The following PCDHGA3 variants were observed in gnomAD, a reference collection of about 807,000 sequenced individuals.
PCDHGA3 encodes protocadherin gamma subfamily A, 3.
A neutral mutation model predicts 58.5 loss-of-function variants in PCDHGA3; 40 were observed. That is an observed-to-expected ratio of 0.68 (90% CI 0.53 to 0.89). PCDHGA3 has a LOEUF of 0.89. PCDHGA3 is among the 40% of genes least tolerant of loss of function. The pLI is 0.00. For synonymous variants in PCDHGA3, 530 were observed against 525.7 expected (o/e 1.01, Z -0.11); for missense variants, 1,223 against 1,195.9 (o/e 1.02, Z -0.33).
chr5:141,429,377 GTT>G (rs566693637), intron 1 of PCDHGA3, among the ~76,000 whole-genome samples: 7 of 149,436 alleles, frequency 4.7e-5, no homozygotes, highest in African/African-American at 1.7e-4. Flanking sequence ...GAGAAAATGT[GTT>G]TTTTTTTTAA....
In PCDHGA3 at chr5:141,403,333, C is replaced by T. The variant is rs376895778; in HGVS notation, c.2424+56876C>T. On this transcript the variant is annotated intron_variant, in intron 1 of 3. Transcript: ENST00000253812. ...TAGAAATAGAAGTAACTGATATTAA[C>T]GACAGCGCCCCAAAGTTCCAGGCCG... is the stretch of plus-strand genomic sequence containing the variant. 5 of 1,613,866 alleles carry T rather than the reference C, an allele frequency of 3.1e-6. No homozygotes were observed. The African/African-American group carries it at 5.3e-5, about 17-fold the overall frequency.
In PCDHGA3 at chr5:141,344,550, A is replaced by G; in HGVS notation, c.517A>G (p.Ser173Gly). Residue 173 changes from serine (S) to glycine (G), a missense_variant, in exon 1 of 4, where the codon AGC becomes GGC. Physicochemically the swap from Ser to Gly is moderately conservative, Grantham distance 56. This residue lies in a region of PCDHGA3 where 791 missense variants were observed against 708.5 expected (regional missense o/e 1.12). Transcript: ENST00000253812. ...GINSLQNYKL[S>G]PNDYFSLAVN... Reference sequence around the variant, plus strand: ...TAACTCCCTGCAGAACTACAAGCTTAGCCCCAATGACTACTTCTCTCTGGC... The same window carrying G: ...TAACTCCCTGCAGAACTACAAGCTTGGCCCCAATGACTACTTCTCTCTGGC... The G allele has an allele frequency of 6.2e-7, 1 of 1,614,028 alleles. No individual in the cohort carries two copies. Among genetic ancestry groups the G allele is most frequent in the Non-Finnish European group, 8.5e-7 (1 of 1,179,902 alleles).
At chr5:141,383,476 G>T (rs983488072) in intron 1 of PCDHGA3, 1 of 1,613,748 alleles carries the variant, frequency 6.2e-7, no homozygotes, top group South Asian at 1.1e-5. Context: ...TAAGTACCCG[G>T]AACTGGTGCT....
intron 1 of PCDHGA3, chr5:141,404,308 C>T (rs1241004917): frequency 6.2e-7 from 1 of 1,613,918 alleles, no homozygotes; most frequent in Middle Eastern, 1.6e-4. Flanking sequence ...CACCTGCTTT[C>T]TCTCAAGCCT....
intron 1 of PCDHGA3, among the ~76,000 whole-genome samples, chr5:141,406,925 G>A (rs1003832711): frequency 2.0e-5 from 3 of 152,268 alleles, no homozygotes; most frequent in African/African-American, 7.2e-5. Flanking sequence ...AGAGAATAAT[G>A]TATTATTTAA....
At chr5:141,460,965 G>A (rs1398642676) in intron 1 of PCDHGA3, among the ~76,000 whole-genome samples, 21 of 114,476 alleles carry the variant, frequency 1.8e-4, no homozygotes, top group African/African-American at 8.5e-4. Flanking sequence ...ATATATATGT[G>A]TGTGTGTGTG....
chr5:141,415,744 T>TG (rs2095925177), intron 1 of PCDHGA3: 4 of 404,428 alleles, frequency 9.9e-6, no homozygotes, highest in Admixed American at 2.1e-4. Flanking sequence ...ATTAAGGTTT[T>TG]TTTTTTTTTT....
At chr5:141,469,362 G>GT (rs1212141268) in intron 1 of PCDHGA3, among the ~76,000 whole-genome samples, 4 of 152,084 alleles carry the variant, frequency 2.6e-5, no homozygotes, top group Non-Finnish European at 5.9e-5. Flanking sequence ...GGATCATGAG[G>GT]TAAAGAGATC....
chr5:141,400,621 A>G (rs1361532935), intron 1 of PCDHGA3: 1 of 1,521,426 alleles, frequency 6.6e-7, no homozygotes, highest in Non-Finnish European at 9.0e-7. Flanking sequence ...GAGTTGTCTT[A>G]GGGAAGTCAG....
chr5:141,372,294 G>A (rs536487253), intron 1 of PCDHGA3: 2 of 1,613,280 alleles, frequency 1.2e-6, no homozygotes, highest in Non-Finnish European at 1.7e-6. Flanking sequence ...TACCTTGGGC[G>A]ACAGGGAGGC....
chr5:141,500,645 A>C (rs2099801792), intron 2 of PCDHGA3, among the ~76,000 whole-genome samples: 1 of 152,228 alleles, frequency 6.6e-6, no homozygotes, highest in African/African-American at 2.4e-5. Flanking sequence ...GTTTTTTAAA[A>C]ATAGCAACTG....
intron 1 of PCDHGA3, chr5:141,355,366 C>T: frequency 1.2e-6 from 2 of 1,614,036 alleles, no homozygotes; most frequent in Non-Finnish European, 8.5e-7. Context: ...GGGGTTGGCG[C>T]CCCGGGAGCT....
chr5:141,401,272 G>A (rs998700154), intron 1 of PCDHGA3, among the ~76,000 whole-genome samples: 1 of 152,172 alleles, frequency 6.6e-6, no homozygotes. Flanking sequence ...AACCTGGCAG[G>A]TGGAGGTTGC....
chr5:141,383,075 TG>T, intron 1 of PCDHGA3: 2 of 1,613,878 alleles, frequency 1.2e-6, no homozygotes, highest in Non-Finnish European at 1.7e-6. Flanking sequence ...CCCCGGGAGC[TG>T]GCGGAGCGCG....
At chr5:141,389,320 T>TG (rs764190187) in intron 1 of PCDHGA3, 4 of 1,613,964 alleles carry the variant, frequency 2.5e-6, no homozygotes, top group Non-Finnish European at 3.4e-6. Context: ...GATCCGGACT[T>TG]GGGGCCCAAC....
chr5:141,421,365 G>A (rs1189449968), intron 1 of PCDHGA3: 2 of 1,614,026 alleles, frequency 1.2e-6, no homozygotes, highest in South Asian at 1.1e-5. Flanking sequence ...GCTCCTTCGT[G>A]GGCAATATCT....
In PCDHGA3 at chr5:141,487,694, AC is replaced by A. The variant is rs1296386169; in HGVS notation, c.2425-7112del. On this transcript the variant is annotated intron_variant, in intron 1 of 3. Coordinates refer to ENST00000253812, the MANE Select transcript of PCDHGA3 (RefSeq NM_018916.4). The surrounding 1 kb of genome is among the most constrained non-coding windows in gnomAD (Gnocchi z 5.0). ...ATGGCTAGGCCATGTCCTAGAGAGT[AC>A]TGGCCTCTCAGTAAGTGCCCATAGT... is the stretch of plus-strand genomic sequence containing the variant. The A allele has an allele frequency of 6.2e-7, 1 of 1,602,048 alleles. No individual in the cohort carries two copies. The highest frequency in any genetic ancestry group is 2.2e-5 in the East Asian group (1 of 44,642).
chr5:141,393,169 T>C lies in PCDHGA3; in HGVS notation c.2424+46712T>C, dbSNP rs113280752. 2,582 of 1,613,090 alleles carry C rather than the reference T, an allele frequency of 1.6e-3. 1 individual carries two copies. The highest frequency in any genetic ancestry group is 1.9e-3 in the Non-Finnish European group (2,191 of 1,179,870). On this transcript the variant is annotated intron_variant, in intron 1 of 3. Coordinates refer to ENST00000253812, the MANE Select transcript of PCDHGA3 (RefSeq NM_018916.4). ...GAGGATAAAGGAAAACTCTTTGGGGTAGAAATAGAAATAATTGATATTAAC... is the reference window on the plus strand; with the variant it reads ...GAGGATAAAGGAAAACTCTTTGGGGCAGAAATAGAAATAATTGATATTAAC...
chr5:141,478,424 G>A, intron 1 of PCDHGA3: 2 of 1,613,686 alleles, frequency 1.2e-6, no homozygotes, highest in African/African-American at 1.3e-5. Context: ...CCGCCGCAGC[G>A]ACCCGCTGCT....
Sources: gnomAD v4.1 joint callset for allele counts (sites outside exome capture counted in the v4.1 genomes callset) on GRCh38, gnomAD v4.1.1 for gene constraint, gnomAD v4.1.1 regional missense constraint, Gnocchi (gnomAD v3.1) non-coding constraint, MANE v1.5 for transcripts, NCBI Gene and HGNC (gene_info 2026-07-23, HGNC 2026-07-21) for gene names.